The following SH3GL2 variants were observed in gnomAD, a reference collection of about 807,000 sequenced individuals.
The protein encoded by SH3GL2 is SH3 domain containing GRB2 like 2, endophilin A1.
Under a neutral mutation model 46.0 loss-of-function variants are expected in SH3GL2, and 24 were observed. The observed-to-expected ratio is 0.52, with a 90% CI of 0.38 to 0.73. The LOEUF is 0.73. Among genes scored for constraint, SH3GL2 ranks in the 30% least tolerant of loss-of-function variants. The probability of loss-of-function intolerance (pLI) is 0.00; values close to 1 mark genes in which losing one functional copy is unlikely to be tolerated. For missense variants in SH3GL2, 413 were observed against 424.2 expected (o/e 0.97, Z 0.23); for synonymous variants, 196 against 147.1 (o/e 1.33, Z -2.40).
intron 1 of SH3GL2, among the ~76,000 whole-genome samples, chr9:17,668,977 C>T (rs1425499415): frequency 1.3e-5 from 2 of 152,180 alleles, no homozygotes; most frequent in African/African-American, 4.8e-5. Context: ...TATTAAAAAT[C>T]CATTTCACTC....
At chr9:17,599,137 TTAAAA>T (rs1435523521) in intron 1 of SH3GL2, among the ~76,000 whole-genome samples, 2 of 152,210 alleles carry the variant, frequency 1.3e-5, no homozygotes, top group Non-Finnish European at 2.9e-5. Context: ...TTGTCACATC[TTAAAA>T]TAAATTTTAA....
At chr9:17,664,437 T>C (rs930942065) in intron 1 of SH3GL2, among the ~76,000 whole-genome samples, 2 of 152,126 alleles carry the variant, frequency 1.3e-5, no homozygotes, top group Non-Finnish European at 2.9e-5. Context: ...ACTCACAACT[T>C]TATACCTCTT....
intron 2 of SH3GL2, among the ~76,000 whole-genome samples, chr9:17,749,725 T>C (rs1822791635): frequency 6.6e-6 from 1 of 152,214 alleles, no homozygotes; most frequent in East Asian, 1.9e-4. Flanking sequence ...ATTAGACCTT[T>C]GGAGATTTAT....
At chr9:17,774,822 C>T (rs924853874) in intron 3 of SH3GL2, among the ~76,000 whole-genome samples, 1 of 152,054 alleles carries the variant, frequency 6.6e-6, no homozygotes, top group African/African-American at 2.4e-5. Flanking sequence ...AGGAAATTTT[C>T]CTTCTTCAAT....
rs527377200 is a variant in SH3GL2 at position 17,693,533 on chromosome 9, C to T, written c.46-53533C>T. 8.5e-5 allele frequency among the ~76,000 whole-genome samples: 13 copies of T among 152,092 alleles called. 1 individual carries two copies. The highest frequency in any genetic ancestry group is 2.2e-4 in the African/African-American group (9 of 41,486). The stretch of plus-strand genomic sequence containing the variant: ...TTGTTTTATTTTGTTTGCAGAAATG[C>T]GAATGGTGTAAAGCTTCTTCAAATA... On this transcript the variant is annotated intron_variant, in intron 1 of 8. Transcript: ENST00000380607.
chr9:17,755,201 G>A lies in SH3GL2; in HGVS notation c.115-6236G>A, dbSNP rs7044068. Reference sequence around the variant, plus strand: ...TTGGGACTTTATAACATGAATGAATGTTGAATTTTATTGAAAACCTTTTGT... The same window carrying A: ...TTGGGACTTTATAACATGAATGAATATTGAATTTTATTGAAAACCTTTTGT... On this transcript the variant is annotated intron_variant, in intron 2 of 8. Coordinates refer to ENST00000380607, the MANE Select transcript of SH3GL2 (RefSeq NM_003026.5). Among the ~76,000 whole-genome samples, 1,182 of 152,224 alleles carry A rather than the reference G, an allele frequency of 7.8e-3. 18 individuals are homozygous for A. The highest frequency in any genetic ancestry group is 0.027 in the African/African-American group (1,128 of 41,536).
Position 17,741,202 on chromosome 9 carries a change from G to A in SH3GL2, c.46-5864G>A, listed in dbSNP as rs996479437. On this transcript the variant is annotated intron_variant, in intron 1 of 8. Transcript: ENST00000380607. ...CTGTTTTAATATGAGTAAAATTATGGTGATTTTTCAAAAAAGTATTTTGGA... is the reference window on the plus strand; with the variant it reads ...CTGTTTTAATATGAGTAAAATTATGATGATTTTTCAAAAAAGTATTTTGGA... Among the ~76,000 whole-genome samples the A allele has an allele frequency of 1.7e-4, 26 of 152,130 alleles. 1 individual carries two copies. The highest frequency in any genetic ancestry group is 1.2e-3 in the Admixed American group (19 of 15,282).
chr9:17,761,137 C>G (rs2131151180), intron 2 of SH3GL2, among the ~76,000 whole-genome samples: 1 of 152,234 alleles, frequency 6.6e-6, no homozygotes, highest in Middle Eastern at 3.4e-3. Flanking sequence ...GCCTCTGGGA[C>G]AAAATATGTT....
At chr9:17,642,524 T>G (rs1415663454) in intron 1 of SH3GL2, among the ~76,000 whole-genome samples, 2 of 152,202 alleles carry the variant, frequency 1.3e-5, no homozygotes, top group East Asian at 3.8e-4. Flanking sequence ...TGAGTTAATT[T>G]TTGTATAAGT....
intron 1 of SH3GL2, among the ~76,000 whole-genome samples, chr9:17,663,827 C>G (rs988037827): frequency 6.6e-6 from 1 of 152,184 alleles, no homozygotes; most frequent in Non-Finnish European, 1.5e-5. Flanking sequence ...AAATAAACCT[C>G]TTTTCAGATG....
rs75257360 is a variant in SH3GL2, at chr9:17,585,722, A to G, written c.45+6435A>G. Among the ~76,000 whole-genome samples, 51 of 152,298 alleles carry G rather than the reference A, an allele frequency of 3.3e-4. 1 individual carries two copies. In the East Asian group the frequency reaches 6.8e-3, roughly 20 times the overall value. Reference sequence around the variant, plus strand: ...AGTTCACAGTGCGTTGCATTGGTGCATTGGTAGGTCGTGGTCAGAAGAAGA... The same window carrying G: ...AGTTCACAGTGCGTTGCATTGGTGCGTTGGTAGGTCGTGGTCAGAAGAAGA... On this transcript the variant is annotated intron_variant, in intron 1 of 8. Coordinates refer to ENST00000380607, the MANE Select transcript of SH3GL2 (RefSeq NM_003026.5).
intron 1 of SH3GL2, among the ~76,000 whole-genome samples, chr9:17,708,837 A>ATT (rs1821543341): frequency 1.3e-5 from 2 of 152,018 alleles, no homozygotes; most frequent in Admixed American, 1.3e-4. Context: ...TTTGAAGTGC[A>ATT]TTTGAGACTC....
chr9:17,689,307 A>C (rs1260913166), intron 1 of SH3GL2, among the ~76,000 whole-genome samples: 2 of 152,130 alleles, frequency 1.3e-5, no homozygotes, highest in African/African-American at 4.8e-5. Context: ...ATGAGATACG[A>C]AAACTAAATA....
At chr9:17,653,727 A>G (rs941752961) in intron 1 of SH3GL2, 1 of 172,378 alleles carries the variant, frequency 5.8e-6, no homozygotes, top group African/African-American at 2.4e-5. Context: ...TAAATGATTT[A>G]TTGCTCAGAG....
chr9:17,767,347 A>G (rs1174129119), intron 3 of SH3GL2, among the ~76,000 whole-genome samples: 1 of 152,172 alleles, frequency 6.6e-6, no homozygotes, highest in Non-Finnish European at 1.5e-5. Context: ...TTCAAAATGT[A>G]CCATTAGTCC....
chr9:17,636,773 G>A (rs10963176), intron 1 of SH3GL2, among the ~76,000 whole-genome samples: 3,727 of 152,184 alleles, frequency 0.024, 70 homozygotes, highest in Middle Eastern at 0.058. Context: ...TACTTACCTA[G>A]TCCTTGGTTT....
rs913323662 is a variant in SH3GL2 at position 17,579,137 on chromosome 9, G to A, written c.-106G>A. 3 of 711,364 alleles carry A rather than the reference G, an allele frequency of 4.2e-6. No individual in the cohort carries two copies. Among genetic ancestry groups the A allele is most frequent in the African/African-American group, 1.9e-5 (1 of 52,282 alleles). The allele number at this position is 711,364 out of a possible 1,614,324, so 44.1% of individuals were successfully genotyped here. A position where few individuals can be genotyped will look rare whatever the true frequency, so the allele number is the denominator to read the frequency against. On this transcript the variant is annotated 5_prime_UTR_variant, in exon 1 of 9. Transcript: ENST00000380607. ...CCCTCGCGCCCATAGCCCCGGCGGC[G>A]GCACGACCAGAGGCGGCCAGGGGAG... is the stretch of plus-strand genomic sequence containing the variant.
chr9:17,774,814 G>T (rs545169868), intron 3 of SH3GL2, among the ~76,000 whole-genome samples: 2 of 152,138 alleles, frequency 1.3e-5, no homozygotes, highest in African/African-American at 2.4e-5. Flanking sequence ...GAATGAGCAG[G>T]AAATTTTCCT....
intron 1 of SH3GL2, among the ~76,000 whole-genome samples, chr9:17,607,593 A>G (rs1818784360): frequency 6.6e-6 from 1 of 152,214 alleles, no homozygotes; most frequent in Non-Finnish European, 1.5e-5. Flanking sequence ...GGCTGTATTT[A>G]GCTGAACGAT....
Sources: allele counts gnomAD v4.1 joint callset (sites outside exome capture counted in the v4.1 genomes callset), GRCh38; gene constraint gnomAD v4.1.1; transcripts MANE v1.5; gene names NCBI Gene and HGNC (gene_info 2026-07-23, HGNC 2026-07-21).